Variants in OR51E1 observed in about 807,000 individuals in gnomAD.
OR51E1 encodes olfactory receptor family 51 subfamily E member 1.
A neutral mutation model predicts 11.5 loss-of-function variants in OR51E1; 9 were observed. The observed-to-expected ratio is 0.78, with a 90% CI of 0.47 to 1.37. OR51E1 has a LOEUF of 1.37. OR51E1 is among the 40% of genes most tolerant of loss of function. The pLI is 0.00. For synonymous variants in OR51E1, 168 were observed against 158.3 expected, an observed-to-expected ratio of 1.06 and a Z score of -0.46; for missense variants, 397 against 410.2, an observed-to-expected ratio of 0.97 and a Z score of 0.28.
rs1316669980 is a variant in OR51E1, at chr11:4,653,691, A to T, written c.*208A>T. On this transcript the variant is annotated 3_prime_UTR_variant, in exon 2 of 2. Transcript: ENST00000396952. The stretch of plus-strand genomic sequence containing the variant: ...GCTACATATAATTATTAATACCCTG[A>T]CTAGGTTGTGGTTGGAGGGTTATTA... The T allele has an allele frequency of 1.6e-5, 8 of 506,780 alleles. No homozygotes were observed. Among genetic ancestry groups the T allele is most frequent in the Non-Finnish European group, 2.9e-5 (8 of 279,406 alleles). 31.4% of individuals were successfully genotyped at this position (506,780 alleles called of 1,614,324 possible). A position where few individuals can be genotyped will look rare whatever the true frequency, so the allele number is the denominator to read the frequency against.
chr11:4,648,429 C>T lies in OR51E1; in HGVS notation c.-39-4059C>T, dbSNP rs570207687. On this transcript the variant is annotated intron_variant, in intron 1 of 1. Transcript: ENST00000396952. ...GGAAAACAATGCACTATGTGTACTCCGATTTGGTTTTTACAATTTCTTTAG... is the reference window on the plus strand; with the variant it reads ...GGAAAACAATGCACTATGTGTACTCTGATTTGGTTTTTACAATTTCTTTAG... Among the ~76,000 whole-genome samples, 12 of 152,260 alleles carry T rather than the reference C, an allele frequency of 7.9e-5. No homozygotes were observed. The South Asian group carries it at 1.0e-3, about 13-fold the overall frequency.
chr11:4,650,941 CA>C (rs34830469), intron 1 of OR51E1, among the ~76,000 whole-genome samples: 2,579 of 147,700 alleles, frequency 0.017, 52 homozygotes, highest in African/African-American at 0.051. Flanking sequence ...TGCAAATATT[CA>C]AAAAAAAAAA....
In OR51E1 at chr11:4,653,391, C is replaced by T. The variant is rs565834448; in HGVS notation, c.865C>T (p.Leu289Phe). 7 of 1,614,120 alleles carry T rather than the reference C, an allele frequency of 4.3e-6. No homozygotes were observed. In the South Asian group the frequency reaches 7.7e-5, roughly 18 times the overall value. Residue 289 changes from leucine (L) to phenylalanine (F), a missense_variant, in exon 2 of 2, where the codon CTC (leucine) becomes TTC (phenylalanine). Leu to Phe is a conservative substitution (Grantham distance 22). Coordinates refer to ENST00000396952, the MANE Select transcript of OR51E1 (RefSeq NM_152430.4). ...TATCTATCTGCTGGTTCCTCCTGTG[C>T]TCAACCCAATTGTCTATGGAGTGAA... ...ANIYLLVPPV[L>F]NPIVYGVKTK... is the part of the protein sequence containing the mutation.
intron 1 of OR51E1, among the ~76,000 whole-genome samples, 179 bp downstream of exon 1, chr11:4,644,209 G>A (rs893491567): frequency 2.1e-4 from 7 of 33,480 alleles, no homozygotes; most frequent in Non-Finnish European, 9.6e-4. Flanking sequence ...TTTGTGTGCT[G>A]AACAGAAAGC....
In OR51E1 at chr11:4,653,175, A is replaced by G. The variant is rs772879053; in HGVS notation, c.649A>G (p.Ile217Val). 1.2e-6 allele frequency: 2 copies of G among 1,611,048 alleles called. No individual in the cohort carries two copies. The highest frequency in any genetic ancestry group is 1.1e-5 in the South Asian group (1 of 90,984). Residue 217 changes from isoleucine to valine, a missense_variant, in exon 2 of 2, where the codon ATC becomes GTC. By Grantham distance (29) the Ile-to-Val change is conservative (BLOSUM62 3). Coordinates refer to ENST00000396952, the MANE Select transcript of OR51E1 (RefSeq NM_152430.4). ...CGCCATTGGCCTGGACTCACTTCTC[A>G]TCTCCTTCTCATATCTGCTTATTCT... ...ISAIGLDSLL[I>V]SFSYLLILKT... is the part of the protein sequence containing the mutation.
chr11:4,652,284 T>C (rs889781207), intron 1 of OR51E1, among the ~76,000 whole-genome samples: 1 of 152,212 alleles, frequency 6.6e-6, no homozygotes, highest in Non-Finnish European at 1.5e-5. Flanking sequence ...ACAATACAGA[T>C]GGGGTTAGTA....
At chr11:4,649,950 C>T (rs923916722) in intron 1 of OR51E1, among the ~76,000 whole-genome samples, 5 of 152,140 alleles carry the variant, frequency 3.3e-5, no homozygotes, top group Admixed American at 3.3e-4. Context: ...TACCCCAGAT[C>T]ATACAGCTCT....
Position 4,652,507 on chromosome 11 carries a change from G to T in OR51E1, c.-20G>T. 4 of 1,556,160 alleles carry T rather than the reference G, an allele frequency of 2.6e-6. No individual in the cohort carries two copies. The highest frequency in any genetic ancestry group is 3.5e-6 in the Non-Finnish European group (4 of 1,131,130). On this transcript the variant is annotated 5_prime_UTR_variant, in exon 2 of 2. Coordinates refer to ENST00000396952, the MANE Select transcript of OR51E1 (RefSeq NM_152430.4). Reference sequence around the variant, plus strand: ...TTCCAGCCTCTACCTGCCTGGTGCTGGTCACAGTTCAGCTTCTTCATGATG... The same window carrying T: ...TTCCAGCCTCTACCTGCCTGGTGCTTGTCACAGTTCAGCTTCTTCATGATG...
chr11:4,654,819 A>T lies in OR51E1; in HGVS notation c.*1336A>T, dbSNP rs1460899369. 6.0e-6 allele frequency: 1 copy of T among 167,156 alleles called. No individual in the cohort carries two copies. Among genetic ancestry groups the T allele is most frequent in the African/African-American group, 2.4e-5 (1 of 41,472 alleles). The allele number at this position is 167,156 out of a possible 1,614,324, so 10.4% of individuals were successfully genotyped here. A position where few individuals can be genotyped will look rare whatever the true frequency, so the allele number is the denominator to read the frequency against. On this transcript the variant is annotated 3_prime_UTR_variant, in exon 2 of 2. Transcript: ENST00000396952. ...GTTAATAGGTTTCATCTTCAACAGG[A>T]TATGACAACAGTGTTAACCAAGAAA...
intron 1 of OR51E1, among the ~76,000 whole-genome samples, chr11:4,648,618 C>G (rs1309123022): frequency 6.6e-6 from 1 of 152,176 alleles, no homozygotes; most frequent in Non-Finnish European, 1.5e-5. Context: ...AGAGTTCTTT[C>G]CCAGTGTGTT....
rs191042700 is a variant in OR51E1, at chr11:4,655,272, T to C, written c.*1789T>C. On this transcript the variant is annotated 3_prime_UTR_variant, in exon 2 of 2. Coordinates refer to ENST00000396952, the MANE Select transcript of OR51E1 (RefSeq NM_152430.4). Reference sequence around the variant, plus strand: ...GTGGAAGTGACATGTGCAATTTCTATACCTGGCTCATAAAACCCTCCCATG... The same window carrying C: ...GTGGAAGTGACATGTGCAATTTCTACACCTGGCTCATAAAACCCTCCCATG... 4.5e-4 allele frequency: 76 copies of C among 167,250 alleles called. No homozygotes were observed. The highest frequency in any genetic ancestry group is 1.8e-3 in the African/African-American group (73 of 41,588). 10.4% of individuals were successfully genotyped at this position (167,250 alleles called of 1,614,324 possible).
chr11:4,644,985 C>T (rs189486188), intron 1 of OR51E1, among the ~76,000 whole-genome samples: 21 of 152,206 alleles, frequency 1.4e-4, no homozygotes, highest in Admixed American at 9.8e-4. Context: ...CTGTCTCCCA[C>T]AGTTGGAATG....
chr11:4,649,460 T>C (rs546100237), intron 1 of OR51E1, among the ~76,000 whole-genome samples: 1 of 152,270 alleles, frequency 6.6e-6, no homozygotes, highest in South Asian at 2.1e-4. Context: ...TGAAATAGCA[T>C]GAACTTCAAT....
rs989944359 is a variant in OR51E1 at position 4,654,150 on chromosome 11, T to C, written c.*667T>C. On this transcript the variant is annotated 3_prime_UTR_variant, in exon 2 of 2. Transcript: ENST00000396952. ...GGCAAAGATATTATTAGTACCCTCA[T>C]TGTAGCCATGGGAAAATTGATGTTC... 1 of 167,014 alleles carries C rather than the reference T, an allele frequency of 6.0e-6. No homozygotes were observed. The highest frequency in any genetic ancestry group is 2.4e-5 in the African/African-American group (1 of 41,436). 10.3% of individuals were successfully genotyped at this position (167,014 alleles called of 1,614,324 possible).
In OR51E1 at chr11:4,654,460, G is replaced by A. The variant is rs536730196; in HGVS notation, c.*977G>A. The A allele has an allele frequency of 1.8e-5, 3 of 167,218 alleles. No individual in the cohort carries two copies. The highest frequency in any genetic ancestry group is 3.9e-4 in the East Asian group (2 of 5,184). 10.4% of individuals were successfully genotyped at this position (167,218 alleles called of 1,614,324 possible). ...GCCAATTACCTGTGTCTTGGAAGAA[G>A]TGATTTCTAGGTTCACCATTATGGA... On this transcript the variant is annotated 3_prime_UTR_variant, in exon 2 of 2. Transcript: ENST00000396952.
At chr11:4,652,060 T>G (rs1008735092) in intron 1 of OR51E1, among the ~76,000 whole-genome samples, 1 of 152,206 alleles carries the variant, frequency 6.6e-6, no homozygotes, top group Non-Finnish European at 1.5e-5. Flanking sequence ...TGGACTGGAA[T>G]TTTTTCTTAA....
Position 4,653,129 on chromosome 11 carries a change from T to C in OR51E1, c.603T>C (p.Tyr201=), listed in dbSNP as rs1298029226. 3 of 1,613,926 alleles carry C rather than the reference T, an allele frequency of 1.9e-6. No individual in the cohort carries two copies. Among genetic ancestry groups the C allele is most frequent in the Admixed American group, 3.3e-5 (2 of 60,032 alleles). Residue 201 remains tyrosine, a synonymous_variant, in exon 2 of 2, where the codon TAT becomes TAC. Transcript: ENST00000396952. ...ATGATATCCGGGTCAATGTCGTCTA[T>C]GGCCTTATCGTCATCATCTCCGCCA... ...ACDDIRVNVV[Y]GLIVIISAIG...
chr11:4,644,735 G>C (rs906530807), intron 1 of OR51E1, among the ~76,000 whole-genome samples: 5 of 152,038 alleles, frequency 3.3e-5, no homozygotes, highest in Non-Finnish European at 7.4e-5. Flanking sequence ...TATTAGCCAG[G>C]ATGTATTTTT....
rs1847146872 is a variant in OR51E1, at chr11:4,654,666, G to A, written c.*1183G>A. The A allele has an allele frequency of 6.0e-6, 1 of 167,064 alleles. No homozygotes were observed. The highest frequency in any genetic ancestry group is 6.5e-5 in the Admixed American group (1 of 15,280). 10.3% of individuals were successfully genotyped at this position (167,064 alleles called of 1,614,324 possible). On this transcript the variant is annotated 3_prime_UTR_variant, in exon 2 of 2. Coordinates refer to ENST00000396952, the MANE Select transcript of OR51E1 (RefSeq NM_152430.4). ...GTGTGACTCGTAGCTGGAAAGTGAG[G>A]GAATCTTCAGGACCATGCTTTATTT...
Sources: allele counts gnomAD v4.1 joint callset (sites outside exome capture counted in the v4.1 genomes callset), GRCh38; gene constraint gnomAD v4.1.1; transcripts MANE v1.5; gene names NCBI Gene and HGNC (gene_info 2026-07-23, HGNC 2026-07-21).